ARHGAP42: variants seen among roughly 807,000 people sequenced by gnomAD.
ARHGAP42 encodes Rho GTPase activating protein 42.
A neutral mutation model predicts 125.0 loss-of-function variants in ARHGAP42; 63 were observed. The ratio of observed to expected loss-of-function variants is 0.50; its 90% CI spans 0.41 to 0.62. The LOEUF (loss-of-function observed/expected upper bound fraction) is 0.62. Ranked by LOEUF, ARHGAP42 falls within the 20% of genes least tolerant of loss-of-function variation. The probability of loss-of-function intolerance (pLI) is 0.00; values close to 1 mark genes in which losing one functional copy is unlikely to be tolerated. For synonymous variants in ARHGAP42, 339 were observed against 351.0 expected (o/e 0.97, Z 0.38); for missense variants, 766 against 1,024.2 (o/e 0.75, Z 3.44).
At chr11:100,986,432 A>T (rs1239985337) in intron 22 of ARHGAP42, 1 of 212,432 alleles carries the variant, frequency 4.7e-6, no homozygotes, top group Non-Finnish European at 9.4e-6. Context: ...AGAGGCAGGG[A>T]CACAAAGAGG....
chr11:100,935,042 G>C (rs1867694188), intron 7 of ARHGAP42, among the ~76,000 whole-genome samples: 1 of 151,400 alleles, frequency 6.6e-6, no homozygotes, highest in African/African-American at 2.4e-5. Flanking sequence ...AGGAACAGGA[G>C]AGAAGTAAGG....
At chr11:100,817,058 G>A (rs1591205911) in intron 3 of ARHGAP42, among the ~76,000 whole-genome samples, 1 of 152,294 alleles carries the variant, frequency 6.6e-6, no homozygotes, top group Middle Eastern at 3.4e-3. Flanking sequence ...TGTAGGTGGG[G>A]ACCTGAAGAC....
At chr11:100,858,086 G>GGTGTGTGTGTGTGTGTGTGT (rs201861404) in intron 3 of ARHGAP42, among the ~76,000 whole-genome samples, 93 of 109,010 alleles carry the variant, frequency 8.5e-4, no homozygotes, top group African/African-American at 2.3e-3. Context: ...TCTGGATAGG[G>GGTGTGTGTGTGTGTGTGTGT]GTGTGTGTGT....
At chr11:100,978,797 T>G (rs1858457534) in intron 21 of ARHGAP42, among the ~76,000 whole-genome samples, 190 bp from the exon 22 acceptor site, 1 of 152,188 alleles carries the variant, frequency 6.6e-6, no homozygotes, top group Non-Finnish European at 1.5e-5. Flanking sequence ...AGCCTGGTAC[T>G]CTGTAAGCTG....
chr11:100,896,680 G>A (rs1212300608), intron 4 of ARHGAP42, among the ~76,000 whole-genome samples: 1 of 152,132 alleles, frequency 6.6e-6, no homozygotes, highest in Admixed American at 6.5e-5. Context: ...ACTTTTTGAT[G>A]AGGTTCTTTG....
intron 4 of ARHGAP42, among the ~76,000 whole-genome samples, chr11:100,865,180 A>T (rs773973981): frequency 6.6e-6 from 1 of 152,158 alleles, no homozygotes; most frequent in East Asian, 1.9e-4. Context: ...TTCTGTCCAT[A>T]GTAGAGTTTG....
intron 3 of ARHGAP42, among the ~76,000 whole-genome samples, chr11:100,805,998 C>T (rs1863979356): frequency 6.6e-6 from 1 of 152,156 alleles, no homozygotes; most frequent in Admixed American, 6.5e-5. Context: ...CCCCAACCTC[C>T]TGGGAAAGTA....
chr11:100,961,296 G>A (rs1363207861), intron 14 of ARHGAP42, among the ~76,000 whole-genome samples: 2 of 152,078 alleles, frequency 1.3e-5, no homozygotes, highest in Non-Finnish European at 2.9e-5. Flanking sequence ...GTGACCTTGA[G>A]TAATTTGCTT....
At chr11:100,727,618 A>T (rs1485454306) in intron 1 of ARHGAP42, among the ~76,000 whole-genome samples, 1 of 152,258 alleles carries the variant, frequency 6.6e-6, no homozygotes, top group Admixed American at 6.5e-5. Flanking sequence ...TCCATGAACT[A>T]TGAGGTTCCG....
chr11:100,747,529 T>A (rs575318475), intron 1 of ARHGAP42, among the ~76,000 whole-genome samples: 1 of 152,234 alleles, frequency 6.6e-6, no homozygotes, highest in Admixed American at 6.5e-5. Context: ...TATTTTAATG[T>A]CCAATTCACA....
At chr11:100,729,274 C>T (rs904622835) in intron 1 of ARHGAP42, among the ~76,000 whole-genome samples, 6 of 151,570 alleles carry the variant, frequency 4.0e-5, no homozygotes, top group African/African-American at 1.5e-4. Context: ...TAGATATAAA[C>T]CCTGAATCCT....
chr11:100,786,877 G>A (rs977208845), intron 2 of ARHGAP42, among the ~76,000 whole-genome samples: 1 of 152,068 alleles, frequency 6.6e-6, no homozygotes, highest in Non-Finnish European at 1.5e-5. Context: ...ATCTCATCTG[G>A]AATTATAATT....
intron 1 of ARHGAP42, among the ~76,000 whole-genome samples, chr11:100,770,010 A>G (rs1481620974): frequency 6.6e-6 from 1 of 152,078 alleles, no homozygotes; most frequent in Non-Finnish European, 1.5e-5. Context: ...AAAATGCTCC[A>G]TTTATGGTGA....
intron 22 of ARHGAP42, among the ~76,000 whole-genome samples, chr11:100,984,370 A>G (rs1354285721): frequency 7.7e-6 from 1 of 129,708 alleles, no homozygotes; most frequent in Non-Finnish European, 1.9e-5. Context: ...ATGAATACTT[A>G]AGATTGTTGT....
intron 1 of ARHGAP42, among the ~76,000 whole-genome samples, chr11:100,708,251 C>T (rs1861509265): frequency 2.0e-5 from 3 of 152,196 alleles, no homozygotes. Context: ...GTGGCTCACA[C>T]CTGCAACACC....
At chr11:100,818,358 A>G (rs1014608007) in intron 3 of ARHGAP42, among the ~76,000 whole-genome samples, 1 of 152,176 alleles carries the variant, frequency 6.6e-6, no homozygotes, top group Non-Finnish European at 1.5e-5. Context: ...ATTGACGGAG[A>G]TGCATGTACA....
At chr11:100,942,124 A>G (rs955039875) in intron 9 of ARHGAP42, among the ~76,000 whole-genome samples, 1 of 152,194 alleles carries the variant, frequency 6.6e-6, no homozygotes, top group African/African-American at 2.4e-5. Context: ...GGGATCCTTC[A>G]GTAGATTACA....
intron 5 of ARHGAP42, among the ~76,000 whole-genome samples, chr11:100,920,934 T>C (rs901255151): frequency 3.3e-5 from 5 of 152,022 alleles, no homozygotes; most frequent in African/African-American, 4.8e-5. Context: ...TAATTTGTTA[T>C]GCAGCATCCA....
At chr11:100,750,567 G>C (rs1862423930) in intron 1 of ARHGAP42, among the ~76,000 whole-genome samples, 1 of 149,558 alleles carries the variant, frequency 6.7e-6, no homozygotes, top group East Asian at 2.0e-4. Flanking sequence ...CTGCTGCTGT[G>C]TCCTTCCCCT....
Sources: allele counts gnomAD v4.1 joint callset (sites outside exome capture counted in the v4.1 genomes callset), GRCh38; gene constraint gnomAD v4.1.1; transcripts MANE v1.5; gene names NCBI Gene and HGNC (gene_info 2026-07-23, HGNC 2026-07-21).